Variants in GK5 observed in about 807,000 individuals in gnomAD.
GK5 encodes the protein ATP:glycerol 3-phosphotransferase 5.
A neutral mutation model predicts 77.3 loss-of-function variants in GK5; 39 were observed. That is an observed-to-expected ratio of 0.50 (90% CI 0.39 to 0.66). GK5 has a LOEUF of 0.66. Ranked by LOEUF, GK5 falls within the 30% of genes least tolerant of loss-of-function variation. The pLI is 0.00. For missense variants in GK5, 487 were observed against 633.8 expected, an observed-to-expected ratio of 0.77 and a Z score of 2.49; for synonymous variants, 211 against 208.0, an observed-to-expected ratio of 1.01 and a Z score of -0.13.
rs1383921805 is a variant in GK5, at chr3:142,186,513, C to A, written c.620G>T (p.Gly207Val). ...TGAAAAATCTGTGGCATATACAGAACCTAAATTTAAATAGGAAATAATACA... is the reference window on the plus strand; with the variant it reads ...TGAAAAATCTGTGGCATATACAGAAACTAAATTTAAATAGGAAATAATACA... The part of the protein sequence containing the change: ...DTWLLYKLTK[G>V]SVYATDFSNA... The change falls in exon 7 of 16, where the codon GGT (glycine) becomes GTT (valine). Residue 207 changes from glycine to valine, a missense_variant and splice_region_variant. Gly to Val is a moderately radical substitution (Grantham distance 109). Transcript: ENST00000392993. 20 of 1,478,936 alleles carry A rather than the reference C, an allele frequency of 1.4e-5. No homozygotes were observed. The highest frequency in any genetic ancestry group is 1.8e-5 in the Non-Finnish European group (19 of 1,080,372). The allele number at this position is 1,478,936 out of a possible 1,614,324, so 91.6% of individuals were successfully genotyped here.
chr3:142,174,084 T>C (rs1237249810), intron 12 of GK5, among the ~76,000 whole-genome samples: 4 of 152,110 alleles, frequency 2.6e-5, no homozygotes, highest in African/African-American at 9.7e-5. Context: ...TTCTGCTTGA[T>C]GGTTTGTTGA....
chr3:142,224,176 G>C (rs139818737), intron 1 of GK5, among the ~76,000 whole-genome samples: 27 of 152,238 alleles, frequency 1.8e-4, no homozygotes, highest in Admixed American at 5.2e-4. Flanking sequence ...AGGCCGAGGC[G>C]GGTGAATTAT....
At chr3:142,201,114 T>C (rs150720508) in intron 4 of GK5, among the ~76,000 whole-genome samples, 2 of 152,340 alleles carry the variant, frequency 1.3e-5, no homozygotes, top group Non-Finnish European at 2.9e-5. Flanking sequence ...AATTACCATA[T>C]GACCTTGAGG....
At chr3:142,207,374 G>T (rs2064124863) in intron 3 of GK5, among the ~76,000 whole-genome samples, 1 of 152,106 alleles carries the variant, frequency 6.6e-6, no homozygotes, top group African/African-American at 2.4e-5. Flanking sequence ...CTGTTTCCAT[G>T]GATTGTTTCT....
chr3:142,225,485 C>G lies in GK5; in HGVS notation c.-30G>C, dbSNP rs2107803780. 6.3e-7 allele frequency: 1 copy of G among 1,594,422 alleles called. No homozygotes were observed. The highest frequency in any genetic ancestry group is 8.5e-7 in the Non-Finnish European group (1 of 1,176,304). ...ATCCCGCACGCCTCTCCGCTACAGC[C>G]GCCTACCCAGAGGGCGCGCTACAAA... is the stretch of plus-strand genomic sequence containing the variant. On this transcript the variant is annotated 5_prime_UTR_variant, in exon 1 of 16. Coordinates refer to ENST00000392993, the MANE Select transcript of GK5 (RefSeq NM_001039547.3).
chr3:142,215,581 T>G lies in GK5; in HGVS notation c.241+18A>C. The G allele has an allele frequency of 7.5e-7, 1 of 1,324,790 alleles. No homozygotes were observed. The highest frequency in any genetic ancestry group is 2.1e-4 in the Middle Eastern group (1 of 4,854). The allele number at this position is 1,324,790 out of a possible 1,614,324, so 82.1% of individuals were successfully genotyped here. On this transcript the variant is annotated intron_variant, in intron 2 of 15. Transcript: ENST00000392993. ...AAAAAACCATAAAGATTATTGTTAT[T>G]TTTATAAATCCAATTACCTTTGACT...
chr3:142,215,253 G>A (rs1184107569), intron 2 of GK5, among the ~76,000 whole-genome samples: 1 of 152,220 alleles, frequency 6.6e-6, no homozygotes, highest in Non-Finnish European at 1.5e-5. Context: ...GTAAACCCAT[G>A]AGAGTAGAAG....
chr3:142,170,893 C>G (rs765198791), intron 14 of GK5, among the ~76,000 whole-genome samples: 4 of 152,084 alleles, frequency 2.6e-5, no homozygotes, highest in Non-Finnish European at 4.4e-5. Context: ...CTCCATAAAT[C>G]CACAATTAGC....
At chr3:142,184,728 C>T (rs2063744835) in intron 9 of GK5, 1 of 273,526 alleles carries the variant, frequency 3.7e-6, no homozygotes, top group Admixed American at 6.5e-5. Flanking sequence ...CCTAGCTACT[C>T]AGGAGGCTGA....
chr3:142,171,279 A>G (rs1333291062), intron 14 of GK5, 140 bp downstream of exon 14: 10 of 751,014 alleles, frequency 1.3e-5, no homozygotes, highest in African/African-American at 1.8e-5. Flanking sequence ...GAAGGAGCTA[A>G]GCAGAAATTA....
In GK5 at chr3:142,170,395, C is replaced by G. The variant is rs1396980922; in HGVS notation, c.1371G>C (p.Glu457Asp). 1 of 1,614,054 alleles carries G rather than the reference C, an allele frequency of 6.2e-7. No individual in the cohort carries two copies. Among genetic ancestry groups the G allele is most frequent in the Non-Finnish European group, 8.5e-7 (1 of 1,179,952 alleles). ...CAATGTCGGCAGGTCTGTCTATATT[C>G]TCATTAATCAGGTCTGAAGTCATCT... ...VMQMTSDLIN[E>D]NIDRPADIDM... is the part of the protein sequence containing the mutation. The change falls in exon 15 of 16, where the codon GAG becomes GAC. Residue 457 changes from glutamate (E) to aspartate (D), a missense_variant. Physicochemically the swap from Glu to Asp is conservative, Grantham distance 45 (BLOSUM62 2). Around this residue, in one of 4 missense-constraint regions of GK5, gnomAD observed 65 missense variants for 89.9 expected, o/e 0.72. Coordinates refer to ENST00000392993, the MANE Select transcript of GK5 (RefSeq NM_001039547.3).
rs2063456868 is a variant in GK5 at position 142,164,857 on chromosome 3, TTTTGAAAGAAACG to T, written c.*752_*764del. 6.6e-6 allele frequency: 1 copy of T among 152,212 alleles called. No homozygotes were observed. Among genetic ancestry groups the T allele is most frequent in the Admixed American group, 6.5e-5 (1 of 15,276 alleles). 9.4% of individuals were successfully genotyped at this position (152,212 alleles called of 1,614,324 possible). ...AGCATGTTATACTTCAGCCAGAAGT[TTTTGAAAGAAACG>T]TTATTTGAGAAGGAAAATAAGTAGT... On this transcript the variant is annotated 3_prime_UTR_variant, in exon 16 of 16. Coordinates refer to ENST00000392993, the MANE Select transcript of GK5 (RefSeq NM_001039547.3).
chr3:142,213,711 G>T, intron 2 of GK5, 110 bp from the exon 3 acceptor site: 1 of 645,258 alleles, frequency 1.5e-6, no homozygotes, highest in Non-Finnish European at 2.7e-6. Context: ...AAAATACCTG[G>T]GTTTAGCATT....
intron 15 of GK5, among the ~76,000 whole-genome samples, chr3:142,166,824 A>G (rs568395565): frequency 1.3e-3 from 201 of 152,246 alleles, no homozygotes; most frequent in African/African-American, 4.7e-3. Context: ...TGTGAGCCAC[A>G]GCACCAGGTG....
intron 1 of GK5, among the ~76,000 whole-genome samples, chr3:142,218,146 T>C (rs2064297792): frequency 6.6e-6 from 1 of 151,752 alleles, no homozygotes; most frequent in Non-Finnish European, 1.5e-5. Context: ...CTAGCTGATT[T>C]TCAACAAAAG....
intron 12 of GK5, chr3:142,173,248 C>A: frequency 4.9e-6 from 2 of 411,164 alleles, no homozygotes; most frequent in South Asian, 1.8e-5. Flanking sequence ...AGCTTAATAG[C>A]CTTACTGCCT....
Position 142,159,847 on chromosome 3 carries a change from C to CTTTTTTTTTTTTTTTTTTTTTTT in GK5, c.*5774_*5775insAAAAAAAAAAAAAAAAAAAAAAA, listed in dbSNP as rs1407448771. On this transcript the variant is annotated 3_prime_UTR_variant, in exon 16 of 16. Transcript: ENST00000392993. ...TGGGGCTTTCTCTCTCTCTCTCTCTCTCTCTCTTTTTTTTTTTTGAGACAG... is the reference window on the plus strand; with the variant it reads ...TGGGGCTTTCTCTCTCTCTCTCTCTCTTTTTTTTTTTTTTTTTTTTTTTTCTCTCTTTTTTTTTTTTGAGACAG... 3.8e-4 allele frequency: 39 copies of CTTTTTTTTTTTTTTTTTTTTTTT among 103,176 alleles called. No individual in the cohort carries two copies. Among genetic ancestry groups the CTTTTTTTTTTTTTTTTTTTTTTT allele is most frequent in the Middle Eastern group, 5.4e-3 (1 of 186 alleles). The allele number at this position is 103,176 out of a possible 1,614,324, so 6.4% of individuals were successfully genotyped here. A position where few individuals can be genotyped will look rare whatever the true frequency, so the allele number is the denominator to read the frequency against.
chr3:142,159,619 G>A lies in GK5; in HGVS notation c.*6003C>T, dbSNP rs908471298. On this transcript the variant is annotated 3_prime_UTR_variant, in exon 16 of 16. Coordinates refer to ENST00000392993, the MANE Select transcript of GK5 (RefSeq NM_001039547.3). ...GTGCCAAAATATTTATGGCTATGAG[G>A]CTTCAAAACTTAAAAAAAAAAAAAA... 6.9e-6 allele frequency: 1 copy of A among 144,282 alleles called. No homozygotes were observed. The highest frequency in any genetic ancestry group is 2.2e-4 in the South Asian group (1 of 4,650). The allele number at this position is 144,282 out of a possible 1,614,324, so 8.9% of individuals were successfully genotyped here. A position where few individuals can be genotyped will look rare whatever the true frequency, so the allele number is the denominator to read the frequency against.
intron 6 of GK5, among the ~76,000 whole-genome samples, chr3:142,187,460 C>A (rs2107779069): frequency 6.6e-6 from 1 of 152,148 alleles, no homozygotes; most frequent in South Asian, 2.1e-4. Flanking sequence ...AAAAAATTAG[C>A]CAGACATGGT....
Sources: allele counts gnomAD v4.1 joint callset (sites outside exome capture counted in the v4.1 genomes callset), GRCh38; gene constraint gnomAD v4.1.1; regional missense constraint gnomAD v4.1.1; transcripts MANE v1.5; gene names NCBI Gene and HGNC (gene_info 2026-07-23, HGNC 2026-07-21).